The following KCNV1 variants were observed in gnomAD, a reference collection of about 807,000 sequenced individuals.
KCNV1 encodes potassium voltage-gated channel modifier subfamily V member 1.
In KCNV1, 2 loss-of-function variants were observed where a neutral mutation model predicts 36.4. The ratio of observed to expected loss-of-function variants is 0.05; its 90% CI spans 0.02 to 0.17. The LOEUF is 0.17. Among genes scored for constraint, KCNV1 ranks in the 10% least tolerant of loss-of-function variants. KCNV1 has a pLI of 1.00. For synonymous variants in KCNV1, 280 were observed against 261.1 expected (o/e 1.07, Z -0.70); for missense variants, 321 against 643.6 (o/e 0.50, Z 5.42).
chr8:109,972,671 C>A lies in KCNV1; in HGVS notation c.578G>T (p.Arg193Leu), dbSNP rs1360181631. The A allele has an allele frequency of 6.2e-7, 1 of 1,614,132 alleles. No homozygotes were observed. The highest frequency in any genetic ancestry group is 8.5e-7 in the Non-Finnish European group (1 of 1,180,022). The change falls in exon 3 of 4, where the codon CGC becomes CTC. Residue 193 changes from arginine to leucine, a missense_variant. Arg to Leu is a moderately radical substitution (Grantham distance 102). Coordinates refer to ENST00000524391, the MANE Select transcript of KCNV1 (RefSeq NM_014379.4). The surrounding 1 kb of genome is among the most constrained non-coding windows in gnomAD (Gnocchi z 5.2). ...CTCCAGGATATTCCAGAGCTTCTGG[C>A]GAACAGTGGGACAAGGTCCTTGGGA... ...DFSQGPCPTVRQKLWNILEKP... is the reference protein window; with the variant it reads ...DFSQGPCPTVLQKLWNILEKP...
At position 109,968,609 on chromosome 8, in the gene KCNV1, A is replaced by G; in HGVS notation, c.992-10T>C. 6.4e-7 allele frequency: 1 copy of G among 1,566,438 alleles called. No individual in the cohort carries two copies. The highest frequency in any genetic ancestry group is 8.7e-7 in the Non-Finnish European group (1 of 1,150,694). Reference sequence around the variant, plus strand: ...CCAAGGGAGCGTAATCCTGCAACAGAACAAATGCTGTCAGTCATTGGCATC... The same window carrying G: ...CCAAGGGAGCGTAATCCTGCAACAGGACAAATGCTGTCAGTCATTGGCATC... On this transcript the variant is annotated splice_polypyrimidine_tract_variant and intron_variant, in intron 3 of 3. Transcript: ENST00000524391. The surrounding 1 kb of genome is among the most constrained non-coding windows in gnomAD (Gnocchi z 5.3).
chr8:109,967,430 G>T lies in KCNV1; in HGVS notation c.*658C>A, dbSNP rs1819956320. On this transcript the variant is annotated 3_prime_UTR_variant, in exon 4 of 4. Coordinates refer to ENST00000524391, the MANE Select transcript of KCNV1 (RefSeq NM_014379.4). ...GATGTGCAATTGTTGAAGTCTTTGT[G>T]TAGACTCATGTACTGCAATCTAAGC... is the stretch of plus-strand genomic sequence containing the variant. 6.6e-6 allele frequency: 1 copy of T among 152,248 alleles called. No individual in the cohort carries two copies. The allele number at this position is 152,248 out of a possible 1,614,324, so 9.4% of individuals were successfully genotyped here. A position where few individuals can be genotyped will look rare whatever the true frequency, so the allele number is the denominator to read the frequency against.
Position 109,974,537 on chromosome 8 carries a change from C to T in KCNV1, c.-149G>A. The stretch of plus-strand genomic sequence containing the variant: ...GTTACCTCTCCTTGGCGCACCCTCT[C>T]CACCCGCTGTGCGCCTTCCTCCTCC... On this transcript the variant is annotated 5_prime_UTR_variant, in exon 2 of 4. Transcript: ENST00000524391. This position sits in a 1 kb window ranked among gnomAD's most constrained non-coding sequence, Gnocchi z 6.2. 3.2e-6 allele frequency: 2 copies of T among 617,550 alleles called. No individual in the cohort carries two copies. The allele number at this position is 617,550 out of a possible 1,614,324, so 38.3% of individuals were successfully genotyped here.
At position 109,967,969 on chromosome 8, in the gene KCNV1, A is replaced by T. The variant is rs1464860307; in HGVS notation, c.*119T>A. On this transcript the variant is annotated 3_prime_UTR_variant, in exon 4 of 4. Coordinates refer to ENST00000524391, the MANE Select transcript of KCNV1 (RefSeq NM_014379.4). ...GTAGATGAAGCAATATATCAGCAAA[A>T]ATTAATTAAGATGAGCAGTACTCTG... 2.0e-6 allele frequency: 2 copies of T among 1,004,870 alleles called. No individual in the cohort carries two copies. Among genetic ancestry groups the T allele is most frequent in the African/African-American group, 3.3e-5 (2 of 61,308 alleles). The allele number at this position is 1,004,870 out of a possible 1,614,324, so 62.2% of individuals were successfully genotyped here.
intron 3 of KCNV1, among the ~76,000 whole-genome samples, chr8:109,971,529 TG>T (rs1820010812): frequency 6.6e-6 from 1 of 152,170 alleles, no homozygotes; most frequent in Non-Finnish European, 1.5e-5. Context: ...TGTGTTTGTG[TG>T]TGTGTTATAT....
chr8:109,964,837 A>C lies in KCNV1; in HGVS notation c.*3251T>G, dbSNP rs1819926699. 6.6e-6 allele frequency: 1 copy of C among 152,140 alleles called. No homozygotes were observed. The highest frequency in any genetic ancestry group is 1.5e-5 in the Non-Finnish European group (1 of 68,034). The allele number at this position is 152,140 out of a possible 1,614,324, so 9.4% of individuals were successfully genotyped here. ...AGGGAAACAACACACATTGGGGCCT[A>C]TCAGAGGGTGCTGGGTAGGAGGAGG... On this transcript the variant is annotated 3_prime_UTR_variant, in exon 4 of 4. Transcript: ENST00000524391.
In KCNV1 at chr8:109,972,435, T is replaced by C. The variant is rs377492388; in HGVS notation, c.814A>G (p.Arg272Gly). 1.2e-6 allele frequency: 2 copies of C among 1,614,042 alleles called. No individual in the cohort carries two copies. Among genetic ancestry groups the C allele is most frequent in the Non-Finnish European group, 1.7e-6 (2 of 1,180,004 alleles). ...AGGTCTATGATGTTTGGCACCTTTC[T>C]TAGGAAGCGACACCTGTCCCGCACA... ...LCVRDRCRFL[R>G]KVPNIIDLLA... The change falls in exon 3 of 4, where the codon AGA becomes GGA. Residue 272 changes from arginine to glycine, a missense_variant. Physicochemically the swap from Arg to Gly is moderately radical, Grantham distance 125. Coordinates refer to ENST00000524391, the MANE Select transcript of KCNV1 (RefSeq NM_014379.4). This position sits in a 1 kb window ranked among gnomAD's most constrained non-coding sequence, Gnocchi z 5.2.
In KCNV1 at chr8:109,968,818, A is replaced by G. The variant is rs957156311; in HGVS notation, c.992-219T>C. On this transcript the variant is annotated intron_variant, in intron 3 of 3. Coordinates refer to ENST00000524391, the MANE Select transcript of KCNV1 (RefSeq NM_014379.4). This position sits in a 1 kb window ranked among gnomAD's most constrained non-coding sequence, Gnocchi z 5.3. ...TTGATGGGGCCAGGTTGAGAAGGCT[A>G]GAGAGAAATATAATTAGATTCATTA... Among the ~76,000 whole-genome samples, 1 of 152,190 alleles carries G rather than the reference A, an allele frequency of 6.6e-6. No homozygotes were observed. The highest frequency in any genetic ancestry group is 2.4e-5 in the African/African-American group (1 of 41,450).
At position 109,972,313 on chromosome 8, in the gene KCNV1, C is replaced by G; in HGVS notation, c.936G>C (p.Gln312His). 1.2e-6 allele frequency: 2 copies of G among 1,613,924 alleles called. No homozygotes were observed. Among genetic ancestry groups the G allele is most frequent in the Non-Finnish European group, 1.7e-6 (2 of 1,179,856 alleles). ...QELENVGRIV[Q>H]VLRLLRALRM... The stretch of plus-strand genomic sequence containing the variant: ...GCAGAGCCCTGAGCAGCCTCAACAC[C>G]TGGACAATGCGCCCCACGTTCTCCA... The change falls in exon 3 of 4, where the codon CAG (glutamine) becomes CAC (histidine). Residue 312 changes from glutamine to histidine, a missense_variant. This residue lies in a region of KCNV1 where 141 missense variants were observed against 225.0 expected (regional missense o/e 0.63). Coordinates refer to ENST00000524391, the MANE Select transcript of KCNV1 (RefSeq NM_014379.4). The surrounding 1 kb of genome is among the most constrained non-coding windows in gnomAD (Gnocchi z 5.2).
intron 3 of KCNV1, among the ~76,000 whole-genome samples, chr8:109,971,006 C>G (rs982342195): frequency 3.3e-5 from 5 of 152,052 alleles, no homozygotes; most frequent in Admixed American, 3.3e-4. Flanking sequence ...TTCTAATTGT[C>G]AGAGAAATGT....
At chr8:109,970,117 C>T (rs1205892125) in intron 3 of KCNV1, among the ~76,000 whole-genome samples, 1 of 152,110 alleles carries the variant, frequency 6.6e-6, no homozygotes, top group African/African-American at 2.4e-5. Flanking sequence ...GAATTTTGCT[C>T]TTCAAATTTT....
rs1261689603 is a variant in KCNV1, at chr8:109,972,208, A to G, written c.991+50T>C. 1 of 1,520,332 alleles carries G rather than the reference A, an allele frequency of 6.6e-7. No homozygotes were observed. Among genetic ancestry groups the G allele is most frequent in the South Asian group, 1.3e-5 (1 of 75,984 alleles). The allele number at this position is 1,520,332 out of a possible 1,614,324, so 94.2% of individuals were successfully genotyped here. On this transcript the variant is annotated intron_variant, in intron 3 of 3. Transcript: ENST00000524391. This position sits in a 1 kb window ranked among gnomAD's most constrained non-coding sequence, Gnocchi z 5.2. ...TTCCTTGTACTGTGGTCAAAAAACG[A>G]ATGCTTACATGCAATGGCAAATTAA...
rs762914494 is a variant in KCNV1 at position 109,968,638 on chromosome 8, C to T, written c.992-39G>A. 5.2e-6 allele frequency: 8 copies of T among 1,545,522 alleles called. No individual in the cohort carries two copies. Among genetic ancestry groups the T allele is most frequent in the Middle Eastern group, 1.7e-4 (1 of 5,718 alleles). ...AATGCTGTCAGTCATTGGCATCCCTCTTCTCTCTCTTCCTTCCCTCCCCTC... is the reference window on the plus strand; with the variant it reads ...AATGCTGTCAGTCATTGGCATCCCTTTTCTCTCTCTTCCTTCCCTCCCCTC... On this transcript the variant is annotated intron_variant, in intron 3 of 3. Coordinates refer to ENST00000524391, the MANE Select transcript of KCNV1 (RefSeq NM_014379.4). The surrounding 1 kb of genome is among the most constrained non-coding windows in gnomAD (Gnocchi z 5.3).
rs1204369857 is a variant in KCNV1 at position 109,964,830 on chromosome 8, G to C, written c.*3258C>G. The C allele has an allele frequency of 6.6e-6, 1 of 152,174 alleles. No individual in the cohort carries two copies. The highest frequency in any genetic ancestry group is 2.4e-5 in the African/African-American group (1 of 41,422). The allele number at this position is 152,174 out of a possible 1,614,324, so 9.4% of individuals were successfully genotyped here. A position where few individuals can be genotyped will look rare whatever the true frequency, so the allele number is the denominator to read the frequency against. On this transcript the variant is annotated 3_prime_UTR_variant, in exon 4 of 4. Coordinates refer to ENST00000524391, the MANE Select transcript of KCNV1 (RefSeq NM_014379.4). ...CACATAGAGGGAAACAACACACATT[G>C]GGGCCTATCAGAGGGTGCTGGGTAG...
chr8:109,973,052 A>T (rs767280235), intron 2 of KCNV1, among the ~76,000 whole-genome samples: 1 of 143,674 alleles, frequency 7.0e-6, no homozygotes, highest in Non-Finnish European at 1.5e-5. Context: ...ATCTCGGCTT[A>T]CTGTAGCCTC....
chr8:109,968,042 T>C lies in KCNV1; in HGVS notation c.*46A>G. The stretch of plus-strand genomic sequence containing the variant: ...AGAAATCCACATCACTGCTTTATCA[T>C]TTTAGTTAATTGTACATAGCTTTTG... On this transcript the variant is annotated 3_prime_UTR_variant, in exon 4 of 4. Transcript: ENST00000524391. The surrounding 1 kb of genome is among the most constrained non-coding windows in gnomAD (Gnocchi z 5.3). 2 of 1,543,126 alleles carry C rather than the reference T, an allele frequency of 1.3e-6. No individual in the cohort carries two copies. Among genetic ancestry groups the C allele is most frequent in the Non-Finnish European group, 1.8e-6 (2 of 1,137,596 alleles).
chr8:109,970,199 G>A (rs1177356283), intron 3 of KCNV1, among the ~76,000 whole-genome samples: 1 of 152,150 alleles, frequency 6.6e-6, no homozygotes, highest in African/African-American at 2.4e-5. Context: ...CTTCAAAAGA[G>A]TATCTTTCAG....
intron 3 of KCNV1, among the ~76,000 whole-genome samples, chr8:109,969,177 A>G (rs1819979810): frequency 1.3e-5 from 2 of 152,354 alleles, no homozygotes; most frequent in South Asian, 4.1e-4. Context: ...AAGCAGCAGA[A>G]GCAAGTTAGG....
Position 109,974,004 on chromosome 8 carries a change from A to C in KCNV1, c.385T>G (p.Cys129Gly). 6.2e-7 allele frequency: 1 copy of C among 1,613,442 alleles called. No individual in the cohort carries two copies. The highest frequency in any genetic ancestry group is 8.5e-7 in the Non-Finnish European group (1 of 1,180,012). ...ATCTCCTGCAGGAAGGAGAGCGCGC[A>C]CAGCTGCTCCATGACATGCAGGCGG... ...TGRLHVMEQLCALSFLQEIQY... is the reference protein window; with the variant it reads ...TGRLHVMEQLGALSFLQEIQY... The change falls in exon 2 of 4, where the codon TGC becomes GGC. Residue 129 changes from cysteine to glycine, a missense_variant. Cys to Gly is a radical substitution (Grantham distance 159, BLOSUM62 -3). Around this residue, in one of 5 missense-constraint regions of KCNV1, gnomAD observed 60 missense variants for 160.5 expected, o/e 0.37. Transcript: ENST00000524391. This position sits in a 1 kb window ranked among gnomAD's most constrained non-coding sequence, Gnocchi z 6.2.
Sources: allele counts gnomAD v4.1 joint callset (sites outside exome capture counted in the v4.1 genomes callset), GRCh38; gene constraint gnomAD v4.1.1; regional missense constraint gnomAD v4.1.1; non-coding constraint Gnocchi (gnomAD v3.1); transcripts MANE v1.5; gene names NCBI Gene and HGNC (gene_info 2026-07-23, HGNC 2026-07-21).